Variants in CDH22 observed in about 807,000 individuals in gnomAD.
The protein encoded by CDH22 is cadherin-22.
In CDH22, 30 loss-of-function variants were observed where a neutral mutation model predicts 58.4. The ratio of observed to expected loss-of-function variants is 0.51; its 90% CI spans 0.38 to 0.70. The LOEUF (loss-of-function observed/expected upper bound fraction) is 0.70, where lower values mean the gene tolerates loss of function less well. CDH22 is among the 30% of genes least tolerant of loss of function. The pLI is 0.00. For missense variants in CDH22, 1,014 were observed against 1,233.9 expected (o/e 0.82, Z 2.67); for synonymous variants, 513 against 558.2 (o/e 0.92, Z 1.14).
chr20:46,220,446 C>T, intron 4 of CDH22: 1 of 153,124 alleles, frequency 6.5e-6, no homozygotes, highest in Non-Finnish European at 1.5e-5. Context: ...AGCCACCAGG[C>T]CAGGGAGCAG....
At chr20:46,221,158 C>T (rs1018948154) in intron 4 of CDH22, among the ~76,000 whole-genome samples, 1 of 152,168 alleles carries the variant, frequency 6.6e-6, no homozygotes, top group African/African-American at 2.4e-5. Context: ...CCCAGCGACC[C>T]GACAGCTGAC....
At chr20:46,278,173 C>T (rs1352537217) in intron 1 of CDH22, among the ~76,000 whole-genome samples, 2 of 150,364 alleles carry the variant, frequency 1.3e-5, no homozygotes, top group African/African-American at 2.5e-5. Context: ...CCTAGGCACT[C>T]CCTCTGGGGG....
At chr20:46,248,621 A>C (rs1192459564) in intron 2 of CDH22, among the ~76,000 whole-genome samples, 4 of 152,140 alleles carry the variant, frequency 2.6e-5, no homozygotes, top group Admixed American at 2.6e-4. Flanking sequence ...TCAGGAGTTC[A>C]AAGCCAGACT....
chr20:46,278,155 C>T (rs1283825010), intron 1 of CDH22, among the ~76,000 whole-genome samples: 2 of 152,040 alleles, frequency 1.3e-5, no homozygotes, highest in East Asian at 1.9e-4. Context: ...GGCCTCTCCC[C>T]CTGGGCTCCT....
At position 46,241,199 on chromosome 20, in the gene CDH22, C is replaced by T; in HGVS notation, c.314G>A (p.Gly105Asp). 1 of 1,613,928 alleles carries T rather than the reference C, an allele frequency of 6.2e-7. No homozygotes were observed. Among genetic ancestry groups the T allele is most frequent in the Non-Finnish European group, 8.5e-7 (1 of 1,179,872 alleles). Residue 105 changes from glycine to aspartate, a missense_variant, in exon 3 of 12, where the codon GGT becomes GAT. Physicochemically the swap from Gly to Asp is moderately conservative, Grantham distance 94. Coordinates refer to ENST00000537909, the MANE Select transcript of CDH22 (RefSeq NM_021248.3). This position sits in a 1 kb window ranked among gnomAD's most constrained non-coding sequence, Gnocchi z 5.2. ...GAIKYTISGE[G>D]AGTIFLIDEL... Reference sequence around the variant, plus strand: ...GTCGATCAGGAAGATGGTCCCAGCACCCTCGCCTGAGATGGTGTACTTGAT... The same window carrying T: ...GTCGATCAGGAAGATGGTCCCAGCATCCTCGCCTGAGATGGTGTACTTGAT...
Position 46,236,185 on chromosome 20 carries a change from T to G in CDH22, c.550+4778A>C, listed in dbSNP as rs145979289. Among the ~76,000 whole-genome samples the G allele has an allele frequency of 2.0e-4, 30 of 152,146 alleles. 1 individual carries two copies. The highest frequency in any genetic ancestry group is 1.5e-3 in the East Asian group (8 of 5,174). On this transcript the variant is annotated intron_variant, in intron 3 of 11. Transcript: ENST00000537909. ...GCAGCATTAGGGAGTTTGTTAGAAA[T>G]GCAGACATTTCTAACAGCCCAGACC...
chr20:46,274,006 A>G (rs1019720387), intron 1 of CDH22, among the ~76,000 whole-genome samples: 2 of 152,224 alleles, frequency 1.3e-5, no homozygotes, highest in Non-Finnish European at 2.9e-5. Flanking sequence ...AAATGCACAC[A>G]TGGTAATTGC....
chr20:46,244,812 C>T (rs1218145063), intron 2 of CDH22, among the ~76,000 whole-genome samples: 1 of 152,202 alleles, frequency 6.6e-6, no homozygotes, highest in African/African-American at 2.4e-5. Flanking sequence ...TTGCCCTGTG[C>T]CGTGCAGGCC....
Position 46,187,930 on chromosome 20 carries a change from C to T in CDH22, c.1424-983G>A, listed in dbSNP as rs149364006. ...GGGTCGGGGCAACTAAACTCCAAGA[C>T]TTCTGCTTTCTCAAGACCTGATCCT... On this transcript the variant is annotated intron_variant, in intron 8 of 11. Coordinates refer to ENST00000537909, the MANE Select transcript of CDH22 (RefSeq NM_021248.3). Among the ~76,000 whole-genome samples the T allele has an allele frequency of 7.2e-5, 11 of 152,312 alleles. No individual in the cohort carries two copies. The East Asian group carries it at 1.7e-3, about 24-fold the overall frequency.
In CDH22 at chr20:46,300,641, T is replaced by C. The variant is rs1447867970; in HGVS notation, c.-400+7614A>G. On this transcript the variant is annotated intron_variant, in intron 1 of 11. Transcript: ENST00000537909. This position sits in a 1 kb window ranked among gnomAD's most constrained non-coding sequence, Gnocchi z 4.4. ...CAGAGGGGTCTGTGGTGTTAACATCTGGACCAACTTTCCAGAGGCCAAAAC... is the reference window on the plus strand; with the variant it reads ...CAGAGGGGTCTGTGGTGTTAACATCCGGACCAACTTTCCAGAGGCCAAAAC... Among the ~76,000 whole-genome samples the C allele has an allele frequency of 2.6e-5, 4 of 152,326 alleles. No individual in the cohort carries two copies. In the East Asian group the frequency reaches 7.7e-4, roughly 29 times the overall value.
intron 1 of CDH22, among the ~76,000 whole-genome samples, chr20:46,288,412 T>G (rs993984047): frequency 2.6e-5 from 4 of 152,232 alleles, no homozygotes; most frequent in Middle Eastern, 3.4e-3. Flanking sequence ...CCTGGGCCAC[T>G]CCTCCTCAGA....
At chr20:46,301,234 G>C (rs75838841) in intron 1 of CDH22, among the ~76,000 whole-genome samples, 5,024 of 151,154 alleles carry the variant, frequency 0.033, 133 homozygotes, top group African/African-American at 0.08. Flanking sequence ...CACACACACA[G>C]AGAGAGAATC....
In CDH22 at chr20:46,284,169, G is replaced by A. The variant is rs539954984; in HGVS notation, c.-400+24086C>T. Among the ~76,000 whole-genome samples, 8 of 151,034 alleles carry A rather than the reference G, an allele frequency of 5.3e-5. No homozygotes were observed. In the South Asian group the frequency reaches 1.5e-3, roughly 28 times the overall value. On this transcript the variant is annotated intron_variant, in intron 1 of 11. Transcript: ENST00000537909. Reference sequence around the variant, plus strand: ...ACACCGAGAGGGGGCTGGCTGGCCCGGGTCTGACGCACAGACCCAGATCTT... The same window carrying A: ...ACACCGAGAGGGGGCTGGCTGGCCCAGGTCTGACGCACAGACCCAGATCTT...
intron 1 of CDH22, among the ~76,000 whole-genome samples, chr20:46,283,334 C>T (rs1051797388): frequency 5.3e-5 from 8 of 152,146 alleles, no homozygotes; most frequent in Admixed American, 2.6e-4. Context: ...ACTCAGATTC[C>T]GATTCCAGCT....
At chr20:46,297,699 G>A (rs1473955787) in intron 1 of CDH22, among the ~76,000 whole-genome samples, 1 of 152,000 alleles carries the variant, frequency 6.6e-6, no homozygotes, top group African/African-American at 2.4e-5. Flanking sequence ...GGTTCTGGGA[G>A]GGGCTCGGGG....
At chr20:46,282,691 T>G (rs987425033) in intron 1 of CDH22, among the ~76,000 whole-genome samples, 18 of 152,080 alleles carry the variant, frequency 1.2e-4, no homozygotes, top group Admixed American at 2.6e-4. Flanking sequence ...AAATGGAAAA[T>G]GGAAGATGTT....
chr20:46,287,807 C>T (rs2086582904), intron 1 of CDH22, among the ~76,000 whole-genome samples: 1 of 152,078 alleles, frequency 6.6e-6, no homozygotes, highest in African/African-American at 2.4e-5. Flanking sequence ...CTGGCCCCCG[C>T]CCCTTCACCT....
intron 4 of CDH22, among the ~76,000 whole-genome samples, chr20:46,223,097 G>A (rs1259879919): frequency 1.3e-5 from 2 of 152,142 alleles, no homozygotes; most frequent in Admixed American, 6.5e-5. Flanking sequence ...AAGAGTTGAG[G>A]GGCTCTGGAG....
At chr20:46,274,155 T>C (rs1306733864) in intron 1 of CDH22, among the ~76,000 whole-genome samples, 2 of 152,230 alleles carry the variant, frequency 1.3e-5, no homozygotes, top group Non-Finnish European at 2.9e-5. Context: ...CGAACAGTCA[T>C]GCCTGATGCT....
Sources: allele counts gnomAD v4.1 joint callset (sites outside exome capture counted in the v4.1 genomes callset), GRCh38; gene constraint gnomAD v4.1.1; non-coding constraint Gnocchi (gnomAD v3.1); transcripts MANE v1.5; gene names NCBI Gene and HGNC (gene_info 2026-07-23, HGNC 2026-07-21).